MAD1L1: variants seen among roughly 807,000 people sequenced by gnomAD.
MAD1L1 encodes mitotic arrest deficient 1 like 1, also known as mitotic spindle assembly checkpoint protein MAD1.
A neutral mutation model predicts 96.9 loss-of-function variants in MAD1L1; 95 were observed. The ratio of observed to expected loss-of-function variants is 0.98; its 90% CI spans 0.83 to 1.16. The LOEUF (loss-of-function observed/expected upper bound fraction) is 1.16, where lower values mean the gene tolerates loss of function less well. Ranked by LOEUF, MAD1L1 falls within the 50% of genes most tolerant of loss-of-function variation. The probability of loss-of-function intolerance (pLI) is 0.00; values close to 1 mark genes in which losing one functional copy is unlikely to be tolerated. For synonymous variants in MAD1L1, 473 were observed against 396.6 expected, an observed-to-expected ratio of 1.19 and a Z score of -2.29; for missense variants, 1,007 against 954.4, an observed-to-expected ratio of 1.06 and a Z score of -0.73.
At chr7:2,134,007 C>A (rs560807376) in intron 11 of MAD1L1, among the ~76,000 whole-genome samples, 1 of 152,302 alleles carries the variant, frequency 6.6e-6, no homozygotes, top group East Asian at 1.9e-4. Context: ...TTGTGCTGGC[C>A]ATTGCCATCT....
chr7:1,850,696 C>T (rs1783923547), intron 18 of MAD1L1, among the ~76,000 whole-genome samples: 1 of 152,156 alleles, frequency 6.6e-6, no homozygotes, highest in African/African-American at 2.4e-5. Context: ...CCCCAGGGCA[C>T]AGGGCTAGCC....
intron 16 of MAD1L1, among the ~76,000 whole-genome samples, chr7:1,938,307 A>C (rs1778716659): frequency 6.6e-6 from 1 of 152,212 alleles, no homozygotes; most frequent in South Asian, 2.1e-4. Context: ...TGCACACCTG[A>C]GACCCCGACC....
At chr7:2,226,248 C>A (rs1793888978) in intron 3 of MAD1L1, among the ~76,000 whole-genome samples, 1 of 152,232 alleles carries the variant, frequency 6.6e-6, no homozygotes, top group Non-Finnish European at 1.5e-5. Context: ...CACAATCCCA[C>A]AGCAATGAAA....
chr7:2,044,688 G>C (rs1783842465), intron 12 of MAD1L1, among the ~76,000 whole-genome samples: 1 of 152,194 alleles, frequency 6.6e-6, no homozygotes, highest in Non-Finnish European at 1.5e-5. Context: ...TGTACAGCGA[G>C]GGCGACTCAG....
chr7:1,948,013 G>C (rs1002657139), intron 16 of MAD1L1, among the ~76,000 whole-genome samples: 1 of 152,190 alleles, frequency 6.6e-6, no homozygotes, highest in Non-Finnish European at 1.5e-5. Flanking sequence ...ACCAGTGCCC[G>C]GGAGCGGTGG....
intron 10 of MAD1L1, among the ~76,000 whole-genome samples, chr7:2,182,532 G>A (rs534514436): frequency 3.1e-4 from 47 of 152,272 alleles, no homozygotes; most frequent in African/African-American, 9.4e-4. Context: ...TTGAATGTTC[G>A]TAATAGCCAG....
intron 4 of MAD1L1, 72 bp from the exon 5 acceptor site, chr7:2,222,826 AC>A: frequency 8.0e-7 from 1 of 1,243,140 alleles, no homozygotes; most frequent in Admixed American, 2.3e-5. Context: ...TCACCCCCAC[AC>A]CTCTCTCAGA....
intron 14 of MAD1L1, among the ~76,000 whole-genome samples, chr7:1,987,656 C>T (rs966409169): frequency 5.3e-5 from 8 of 152,218 alleles, no homozygotes; most frequent in East Asian, 1.9e-4. Context: ...CTCGCCCAGC[C>T]GCCGGGCCCG....
At chr7:2,129,676 C>A (rs1313806012) in intron 11 of MAD1L1, among the ~76,000 whole-genome samples, 1 of 152,230 alleles carries the variant, frequency 6.6e-6, no homozygotes, top group African/African-American at 2.4e-5. Flanking sequence ...ACAGACACAG[C>A]TGGACACGCA....
intron 10 of MAD1L1, among the ~76,000 whole-genome samples, chr7:2,155,913 T>G (rs755656311): frequency 6.6e-6 from 1 of 152,062 alleles, no homozygotes; most frequent in Non-Finnish European, 1.5e-5. Context: ...ACTTTCTCCA[T>G]CTCATAGTTT....
In MAD1L1 at chr7:2,213,364, T is replaced by C. The variant is rs1468676124; in HGVS notation, c.925-91A>G. 4.9e-6 allele frequency: 6 copies of C among 1,228,754 alleles called. No homozygotes were observed. The East Asian group carries it at 1.2e-4, about 24-fold the overall frequency. The allele number at this position is 1,228,754 out of a possible 1,614,324, so 76.1% of individuals were successfully genotyped here. On this transcript the variant is annotated intron_variant, in intron 9 of 18. Coordinates refer to ENST00000265854, the MANE Select transcript of MAD1L1 (RefSeq NM_001013836.2). ...AATCATGATCACGGTGCTAAGTCCC[T>C]GACCTCTCAGGAGAGCCTGCCCTCA... is the stretch of plus-strand genomic sequence containing the variant.
intron 13 of MAD1L1, among the ~76,000 whole-genome samples, chr7:2,006,027 G>A (rs903507490): frequency 6.6e-6 from 1 of 152,052 alleles, no homozygotes; most frequent in African/African-American, 2.4e-5. Flanking sequence ...CATGGAGATG[G>A]GGGAGCGGCA....
intron 11 of MAD1L1, among the ~76,000 whole-genome samples, chr7:2,106,556 G>A (rs73038472): frequency 1.3e-5 from 2 of 152,128 alleles, no homozygotes; most frequent in African/African-American, 4.8e-5. Flanking sequence ...TCCCAGGGGT[G>A]GGGGGAGAAG....
Position 2,088,240 on chromosome 7 carries a change from C to A in MAD1L1, c.1074-18902G>T, listed in dbSNP as rs1021032355. Among the ~76,000 whole-genome samples, 1 of 152,224 alleles carries A rather than the reference C, an allele frequency of 6.6e-6. No individual in the cohort carries two copies. Among genetic ancestry groups the A allele is most frequent in the African/African-American group, 2.4e-5 (1 of 41,444 alleles). On this transcript the variant is annotated intron_variant, in intron 11 of 18. Coordinates refer to ENST00000265854, the MANE Select transcript of MAD1L1 (RefSeq NM_001013836.2). This position sits in a 1 kb window ranked among gnomAD's most constrained non-coding sequence, Gnocchi z 4.4. ...CGCCTCTTCACGCCTCCTCACACCC[C>A]TGCCTGAAACCTGCCGACGGGCCTG...
chr7:1,904,693 G>A (rs375841738), intron 17 of MAD1L1, among the ~76,000 whole-genome samples: 1 of 127,184 alleles, frequency 7.9e-6, no homozygotes, highest in South Asian at 2.9e-4. Flanking sequence ...AGGCAGCGAG[G>A]ACGCAGTGGC....
intron 11 of MAD1L1, among the ~76,000 whole-genome samples, chr7:2,116,078 A>G (rs142379067): frequency 6.6e-6 from 1 of 152,326 alleles, no homozygotes; most frequent in African/African-American, 2.4e-5. Context: ...TCAACACTAA[A>G]TAAGGGCCAA....
chr7:1,999,966 G>A (rs920624304), intron 14 of MAD1L1, among the ~76,000 whole-genome samples: 2 of 152,142 alleles, frequency 1.3e-5, no homozygotes, highest in Non-Finnish European at 2.9e-5. Flanking sequence ...TAGATGCCAG[G>A]ATGCTGGAAT....
intron 12 of MAD1L1, among the ~76,000 whole-genome samples, chr7:2,019,764 G>A (rs1307048921): frequency 2.0e-5 from 3 of 152,152 alleles, no homozygotes; most frequent in Admixed American, 2.0e-4. Flanking sequence ...AGTGCTGAGT[G>A]CACATGAGGC....
rs1002707332 is a variant in MAD1L1 at position 1,975,269 on chromosome 7, C to T, written c.1505+5184G>A. 2.0e-5 allele frequency among the ~76,000 whole-genome samples: 3 copies of T among 152,224 alleles called. No individual in the cohort carries two copies. The South Asian group carries it at 6.2e-4, about 32-fold the overall frequency. On this transcript the variant is annotated intron_variant, in intron 15 of 18. Transcript: ENST00000265854. Reference sequence around the variant, plus strand: ...TGGGCAGTCCATCACCAGGCCCCCTCGGGGCCACGCCTTCCCACCTGGGAC... The same window carrying T: ...TGGGCAGTCCATCACCAGGCCCCCTTGGGGCCACGCCTTCCCACCTGGGAC...
Sources: gnomAD v4.1 joint callset for allele counts (sites outside exome capture counted in the v4.1 genomes callset) on GRCh38, gnomAD v4.1.1 for gene constraint, Gnocchi (gnomAD v3.1) non-coding constraint, MANE v1.5 for transcripts, NCBI Gene and HGNC (gene_info 2026-07-23, HGNC 2026-07-21) for gene names.